TIMP2: variants seen among roughly 807,000 people sequenced by gnomAD.
The protein encoded by TIMP2 is TIMP metallopeptidase inhibitor 2.
A neutral mutation model predicts 24.3 loss-of-function variants in TIMP2; 5 were observed. That is an observed-to-expected ratio of 0.21 (90% CI 0.11 to 0.43). TIMP2 has a LOEUF of 0.43. Ranked by LOEUF, TIMP2 falls within the 20% of genes least tolerant of loss-of-function variation. The pLI, the probability that TIMP2 is intolerant of heterozygous loss-of-function variation, is 1.00. For missense variants in TIMP2, 221 were observed against 297.5 expected (o/e 0.74, Z 1.89); for synonymous variants, 130 against 123.2 (o/e 1.06, Z -0.37).
chr17:78,924,042 G>A lies in TIMP2; in HGVS notation c.130+917C>T, dbSNP rs1037164553. Reference sequence around the variant, plus strand: ...GAAAACCATGCTGACCAGCACCAGGGCTGCAGAGGCTTGAGGTGCAGGACC... The same window carrying A: ...GAAAACCATGCTGACCAGCACCAGGACTGCAGAGGCTTGAGGTGCAGGACC... On this transcript the variant is annotated intron_variant, in intron 1 of 4. Coordinates refer to ENST00000262768, the MANE Select transcript of TIMP2 (RefSeq NM_003255.5). The surrounding 1 kb of genome is among the most constrained non-coding windows in gnomAD (Gnocchi z 5.3). Among the ~76,000 whole-genome samples the A allele has an allele frequency of 1.3e-5, 2 of 152,218 alleles. No individual in the cohort carries two copies. The highest frequency in any genetic ancestry group is 6.5e-5 in the Admixed American group (1 of 15,282).
chr17:78,884,479 GGGACATGAA>G (rs2069808019), intron 1 of TIMP2, among the ~76,000 whole-genome samples: 1 of 152,184 alleles, frequency 6.6e-6, no homozygotes, highest in African/African-American at 2.4e-5. Context: ...GACAGAAACA[GGGACATGAA>G]GGACATGAAG....
chr17:78,919,659 C>A (rs557573778), intron 1 of TIMP2, among the ~76,000 whole-genome samples: 1 of 152,092 alleles, frequency 6.6e-6, no homozygotes, highest in Non-Finnish European at 1.5e-5. Context: ...ACGGTGAAAC[C>A]CCGTCTCTAA....
At chr17:78,878,327 T>C (rs2145758493) in intron 1 of TIMP2, among the ~76,000 whole-genome samples, 1 of 152,302 alleles carries the variant, frequency 6.6e-6, no homozygotes, top group South Asian at 2.1e-4. Flanking sequence ...ACAGAGACGA[T>C]GACAACAGTC....
chr17:78,863,596 C>T (rs1373056723), intron 3 of TIMP2, among the ~76,000 whole-genome samples: 3 of 152,080 alleles, frequency 2.0e-5, no homozygotes, highest in African/African-American at 7.2e-5. Context: ...AGCTTTCTAC[C>T]GAGGATCCCG....
chr17:78,887,863 G>A lies in TIMP2; in HGVS notation c.131-13944C>T, dbSNP rs58144688. 2.1e-3 allele frequency among the ~76,000 whole-genome samples: 316 copies of A among 151,960 alleles called. 6 individuals are homozygous for A. The East Asian group carries it at 0.051, about 25-fold the overall frequency. ...TTGATTCAAATGCATCAGAGATATAGTCCTCTTTTTGGAAACAAGCACGAA... is the reference window on the plus strand; with the variant it reads ...TTGATTCAAATGCATCAGAGATATAATCCTCTTTTTGGAAACAAGCACGAA... On this transcript the variant is annotated intron_variant, in intron 1 of 4. Transcript: ENST00000262768.
chr17:78,893,220 CAGGGGTGTGTGTGCATGTGTGTGT>C (rs1283389579), intron 1 of TIMP2, among the ~76,000 whole-genome samples: 1 of 112,250 alleles, frequency 8.9e-6, no homozygotes, highest in Non-Finnish European at 1.8e-5. Flanking sequence ...CATGTGTGTG[CAGGGGTGTGTGTGCATGTGTGTGT>C]AGGAGTGTGT....
At chr17:78,868,233 G>A (rs1056077918) in intron 3 of TIMP2, among the ~76,000 whole-genome samples, 1 of 151,958 alleles carries the variant, frequency 6.6e-6, no homozygotes, top group African/African-American at 2.4e-5. Flanking sequence ...TAGGGGAATT[G>A]TCTTGTCTCT....
At chr17:78,914,204 T>C (rs73397246) in intron 1 of TIMP2, among the ~76,000 whole-genome samples, 2,245 of 152,240 alleles carry the variant, frequency 0.015, 59 homozygotes, top group African/African-American at 0.051. Context: ...ACCCAATGTT[T>C]TATTGCTTCT....
intron 1 of TIMP2, among the ~76,000 whole-genome samples, chr17:78,893,253 G>A (rs1266679995): frequency 6.7e-6 from 1 of 150,324 alleles, no homozygotes; most frequent in East Asian, 2.0e-4. Flanking sequence ...GTAGGAGTGT[G>A]TGTGCAGGGG....
chr17:78,903,882 C>T (rs1382493338), intron 1 of TIMP2, among the ~76,000 whole-genome samples: 2 of 151,982 alleles, frequency 1.3e-5, no homozygotes, highest in Non-Finnish European at 1.5e-5. Flanking sequence ...TGGTTGGCAT[C>T]TTAAGGTCTG....
chr17:78,884,991 G>T (rs562098902), intron 1 of TIMP2, among the ~76,000 whole-genome samples: 3 of 152,318 alleles, frequency 2.0e-5, no homozygotes, highest in South Asian at 2.1e-4. Context: ...CAGCAGGTTG[G>T]GGGGGAGCAG....
At chr17:78,877,948 C>T (rs377352433) in intron 1 of TIMP2, among the ~76,000 whole-genome samples, 70 of 152,190 alleles carry the variant, frequency 4.6e-4, no homozygotes, top group South Asian at 1.2e-3. Flanking sequence ...CCTCGTGATC[C>T]GCCTGCCTCG....
At chr17:78,869,738 C>T (rs2069657574) in intron 3 of TIMP2, among the ~76,000 whole-genome samples, 1 of 152,094 alleles carries the variant, frequency 6.6e-6, no homozygotes, top group Admixed American at 6.5e-5. Flanking sequence ...TCGCTTGAAC[C>T]TGGGAAGCGG....
In TIMP2 at chr17:78,925,151, G is replaced by C. The variant is rs1454851793; in HGVS notation, c.-63C>G. 4 of 726,146 alleles carry C rather than the reference G, an allele frequency of 5.5e-6. No individual in the cohort carries two copies. The highest frequency in any genetic ancestry group is 6.7e-6 in the Non-Finnish European group (4 of 595,866). 45.0% of individuals were successfully genotyped at this position (726,146 alleles called of 1,614,324 possible). A position where few individuals can be genotyped will look rare whatever the true frequency, so the allele number is the denominator to read the frequency against. The stretch of plus-strand genomic sequence containing the variant: ...GGGGGGTCCGGGCGCTGCTCGCGGC[G>C]GCGGGCTGGGGGCGCGGGCGGGGGC... On this transcript the variant is annotated 5_prime_UTR_variant, in exon 1 of 5. Transcript: ENST00000262768.
chr17:78,909,690 G>C (rs2070190848), intron 1 of TIMP2, among the ~76,000 whole-genome samples: 3 of 152,112 alleles, frequency 2.0e-5, no homozygotes, highest in Admixed American at 2.0e-4. Flanking sequence ...GTAAGGCTCG[G>C]GTCTCATCGG....
At chr17:78,912,571 G>A (rs1263236820) in intron 1 of TIMP2, among the ~76,000 whole-genome samples, 6 of 152,208 alleles carry the variant, frequency 3.9e-5, no homozygotes, top group Admixed American at 1.3e-4. Flanking sequence ...CAGAAGAGGC[G>A]GGTGAAGGCA....
intron 1 of TIMP2, chr17:78,900,916 G>A (rs2070081139): frequency 6.6e-6 from 1 of 152,312 alleles, no homozygotes; most frequent in Non-Finnish European, 1.5e-5. Context: ...TGAGTGAACA[G>A]AAACGCCTCT....
chr17:78,862,810 G>A (rs952326778), intron 3 of TIMP2, among the ~76,000 whole-genome samples: 15 of 152,220 alleles, frequency 9.9e-5, no homozygotes, highest in Non-Finnish European at 1.5e-4. Context: ...AGAACATGTG[G>A]TATTTGGTTT....
chr17:78,890,148 G>A lies in TIMP2; in HGVS notation c.131-16229C>T, dbSNP rs1354743724. ...CAATCAATCAATAAAGGCAAGATTA[G>A]GGAAAGAGTCCCTGTGAGGGAATGT... On this transcript the variant is annotated intron_variant, in intron 1 of 4. Coordinates refer to ENST00000262768, the MANE Select transcript of TIMP2 (RefSeq NM_003255.5). Among the ~76,000 whole-genome samples, 3 of 151,904 alleles carry A rather than the reference G, an allele frequency of 2.0e-5. No homozygotes were observed. In the East Asian group the frequency reaches 5.8e-4, roughly 29 times the overall value.
Sources: gnomAD v4.1 joint callset for allele counts (sites outside exome capture counted in the v4.1 genomes callset) on GRCh38, gnomAD v4.1.1 for gene constraint, Gnocchi (gnomAD v3.1) non-coding constraint, MANE v1.5 for transcripts, NCBI Gene and HGNC (gene_info 2026-07-23, HGNC 2026-07-21) for gene names.